Variants in TGIF1 observed in about 807,000 individuals in gnomAD.
TGIF1 encodes homeobox protein TGIF1.
In TGIF1, 4 loss-of-function variants were observed where a neutral mutation model predicts 19.3. The ratio of observed to expected loss-of-function variants is 0.21; its 90% CI spans 0.10 to 0.47. The LOEUF is 0.47. TGIF1 is among the 20% of genes least tolerant of loss of function. The pLI is 0.98. For missense variants in TGIF1, 275 were observed against 341.4 expected, an observed-to-expected ratio of 0.81 and a Z score of 1.53; for synonymous variants, 122 against 129.3, an observed-to-expected ratio of 0.94 and a Z score of 0.38.
chr18:3,445,749 A>AG (rs1330066401), upstream of TGIF1, among the ~76,000 whole-genome samples: 4 of 130,826 alleles, frequency 3.1e-5, no homozygotes, highest in African/African-American at 1.2e-4. Flanking sequence ...AAAAAAAAAA[A>AG]AAAAGAGAAG....
At chr18:3,440,410 G>C (rs929006012) in intron 2 of TGIF1, among the ~76,000 whole-genome samples, 1 of 151,978 alleles carries the variant, frequency 6.6e-6, no homozygotes, top group African/African-American at 2.4e-5. Context: ...TGCAGATTTG[G>C]TCATCCAAAT....
chr18:3,448,717 C>CTTTTTTTTTTTTTTTTTTTTTTTT (rs869086299), upstream of TGIF1: 11 of 244,868 alleles, frequency 4.5e-5, 1 homozygote, highest in African/African-American at 4.6e-4. Flanking sequence ...GCGGGGGTGT[C>CTTTTTTTTTTTTTTTTTTTTTTTT]TTTTTTTTTT....
chr18:3,459,767 CTA>C lies in TGIF1; in HGVS notation c.*1829_*1830del, dbSNP rs1363311185. 2 of 152,112 alleles carry C rather than the reference CTA, an allele frequency of 1.3e-5. No individual in the cohort carries two copies. The highest frequency in any genetic ancestry group is 2.9e-5 in the Non-Finnish European group (2 of 68,028). The allele number at this position is 152,112 out of a possible 1,614,324, so 9.4% of individuals were successfully genotyped here. ...AAAACTGTAAGTCACCTTAAATTCCCTATGTTTTACTTCATTTTTTCCCTATT... is the reference window on the plus strand; with the variant it reads ...AAAACTGTAAGTCACCTTAAATTCCCTGTTTTACTTCATTTTTTCCCTATT... On this transcript the variant is annotated 3_prime_UTR_variant, in exon 3 of 3. Transcript: ENST00000343820.
intron 2 of TGIF1, among the ~76,000 whole-genome samples, chr18:3,444,225 G>A (rs561804305): frequency 2.6e-4 from 39 of 151,078 alleles, no homozygotes; most frequent in African/African-American, 7.7e-4. Context: ...TTACAGGCAT[G>A]AACCATTGCA....
At chr18:3,455,373 T>C (rs952814075) in intron 1 of TGIF1, 1 of 152,240 alleles carries the variant, frequency 6.6e-6, no homozygotes, top group Non-Finnish European at 1.5e-5. Flanking sequence ...GATTTAAATA[T>C]TCTCTATGGC....
exon 1 of TGIF1, chr18:3,412,142 G>A (rs1360191379): frequency 1.3e-5 from 2 of 152,258 alleles, no homozygotes; most frequent in African/African-American, 4.8e-5. Flanking sequence ...ACTCGAGCCT[G>A]CGGTTCCAGC....
chr18:3,417,844 AC>A (rs1168979162), intron 1 of TGIF1, among the ~76,000 whole-genome samples: 3 of 152,220 alleles, frequency 2.0e-5, no homozygotes, highest in Non-Finnish European at 4.4e-5. Context: ...CATGCCTGTA[AC>A]CCTAGCACTT....
At chr18:3,422,710 A>C (rs2082420679) in intron 2 of TGIF1, among the ~76,000 whole-genome samples, 1 of 29,044 alleles carries the variant, frequency 3.4e-5, no homozygotes, top group African/African-American at 8.3e-5. Context: ...TTTTTTTTTG[A>C]GACAGAGTCT....
At chr18:3,431,795 G>A (rs1338038191) in intron 2 of TGIF1, among the ~76,000 whole-genome samples, 3 of 152,186 alleles carry the variant, frequency 2.0e-5, no homozygotes, top group Non-Finnish European at 4.4e-5. Context: ...AACATTACCA[G>A]TAAGGGGACA....
rs2049343850 is a variant in TGIF1, at chr18:3,456,086, A to G, written c.17-268A>G. On this transcript the variant is annotated intron_variant, in intron 1 of 2. Transcript: ENST00000343820. The surrounding 1 kb of genome is among the most constrained non-coding windows in gnomAD (Gnocchi z 4.2). Reference sequence around the variant, plus strand: ...GATTAGACGAAAGAGTTTTCTGACCATCATTCAAAAGGAATGTGAGAAGTT... The same window carrying G: ...GATTAGACGAAAGAGTTTTCTGACCGTCATTCAAAAGGAATGTGAGAAGTT... The G allele has an allele frequency of 1.2e-5, 6 of 510,572 alleles. No homozygotes were observed. Among genetic ancestry groups the G allele is most frequent in the Non-Finnish European group, 2.1e-5 (6 of 280,578 alleles). 31.6% of individuals were successfully genotyped at this position (510,572 alleles called of 1,614,324 possible). A position where few individuals can be genotyped will look rare whatever the true frequency, so the allele number is the denominator to read the frequency against.
At chr18:3,448,812 C>T (rs2082808114), upstream of TGIF1, among the ~76,000 whole-genome samples, 1 of 146,402 alleles carries the variant, frequency 6.8e-6, no homozygotes, top group Non-Finnish European at 1.5e-5. Context: ...CCTTGGCCGT[C>T]TTAGTACTCC....
chr18:3,431,866 C>T (rs888864876), intron 2 of TGIF1, among the ~76,000 whole-genome samples: 3 of 152,162 alleles, frequency 2.0e-5, no homozygotes, highest in Non-Finnish European at 2.9e-5. Context: ...TGCTGTGGCT[C>T]ACGCCTGTAA....
chr18:3,432,649 T>A (rs1598870662), intron 2 of TGIF1, among the ~76,000 whole-genome samples: 1 of 152,342 alleles, frequency 6.6e-6, no homozygotes, highest in East Asian at 1.9e-4. Flanking sequence ...TTATATGTAG[T>A]GTGTGCGCCT....
intron 2 of TGIF1, among the ~76,000 whole-genome samples, chr18:3,419,366 G>GATT (rs2082371637): frequency 6.6e-6 from 1 of 152,198 alleles, no homozygotes; most frequent in African/African-American, 2.4e-5. Context: ...CCATTCGACA[G>GATT]ATTTCTGGAC....
chr18:3,452,495 T>C, intron 1 of TGIF1: 1 of 1,498,938 alleles, frequency 6.7e-7, no homozygotes, highest in Non-Finnish European at 9.1e-7. Flanking sequence ...GCGAGTCGTC[T>C]GGGGTGGGCA....
chr18:3,425,535 C>T (rs192147812), intron 2 of TGIF1, among the ~76,000 whole-genome samples: 9 of 152,290 alleles, frequency 5.9e-5, no homozygotes, highest in African/African-American at 1.9e-4. Context: ...CCTTTTGGGA[C>T]GTCTTTTCAG....
At position 3,457,018 on chromosome 18, in the gene TGIF1, G is replaced by C. The variant is rs1031489628; in HGVS notation, c.244-347G>C. The C allele has an allele frequency of 1.8e-6, 1 of 553,540 alleles. No homozygotes were observed. The highest frequency in any genetic ancestry group is 1.9e-5 in the African/African-American group (1 of 53,052). The allele number at this position is 553,540 out of a possible 1,614,324, so 34.3% of individuals were successfully genotyped here. A position where few individuals can be genotyped will look rare whatever the true frequency, so the allele number is the denominator to read the frequency against. ...TGTAGTTGATTAACTTAAATGTTGG[G>C]GCAGTAGGTGATAGGTTAAAATGGG... On this transcript the variant is annotated intron_variant, in intron 2 of 2. Coordinates refer to ENST00000343820, the MANE Select transcript of TGIF1 (RefSeq NM_003244.4). The surrounding 1 kb of genome is among the most constrained non-coding windows in gnomAD (Gnocchi z 4.9).
intron 2 of TGIF1, among the ~76,000 whole-genome samples, chr18:3,420,645 G>C (rs1374231364): frequency 6.6e-6 from 1 of 152,132 alleles, no homozygotes. Context: ...CAGGTGAAAA[G>C]TAAAAGGATG....
At chr18:3,429,435 G>A (rs1352602124) in intron 2 of TGIF1, among the ~76,000 whole-genome samples, 2 of 152,020 alleles carry the variant, frequency 1.3e-5, no homozygotes, top group Non-Finnish European at 2.9e-5. Flanking sequence ...TCAACTATGA[G>A]TGAAGTAAGC....
Sources: allele counts gnomAD v4.1 joint callset (sites outside exome capture counted in the v4.1 genomes callset), GRCh38; gene constraint gnomAD v4.1.1; non-coding constraint Gnocchi (gnomAD v3.1); transcripts MANE v1.5; gene names NCBI Gene and HGNC (gene_info 2026-07-23, HGNC 2026-07-21).